The following MUC21 variants were observed in gnomAD, a reference collection of about 807,000 sequenced individuals.
The protein encoded by MUC21 is mucin 21, cell surface associated.
Under a neutral mutation model 9.1 loss-of-function variants are expected in MUC21, and 8 were observed. That is an observed-to-expected ratio of 0.88 (90% CI 0.52 to 1.59). The LOEUF is 1.59. Among genes scored for constraint, MUC21 ranks in the 40% most tolerant of loss-of-function variants. The pLI is 0.00. For synonymous variants in MUC21, 189 were observed against 275.2 expected (o/e 0.69, Z 3.10); for missense variants, 478 against 694.2 (o/e 0.69, Z 3.50).
At position 30,988,496 on chromosome 6, in the gene MUC21, T is replaced by C. The variant is rs534351762; in HGVS notation, c.*302T>C. On this transcript the variant is annotated 3_prime_UTR_variant, in exon 3 of 3. Transcript: ENST00000376296. ...ACTCAGTTATAGGAGAAAACCTCCA[T>C]GCTGGACTCCATCTGGCATTCAAAA... is the stretch of plus-strand genomic sequence containing the variant. 15 of 341,320 alleles carry C rather than the reference T, an allele frequency of 4.4e-5. No homozygotes were observed. The highest frequency in any genetic ancestry group is 7.3e-5 in the Non-Finnish European group (14 of 192,198). The allele number at this position is 341,320 out of a possible 1,614,324, so 21.1% of individuals were successfully genotyped here.
Position 30,987,503 on chromosome 6 carries a change from C to T in MUC21, c.1328C>T (p.Thr443Ile). The change falls in exon 2 of 3, where the codon ACC (threonine) becomes ATC (isoleucine). Residue 443 changes from threonine (T) to isoleucine (I), a missense_variant. Thr to Ile is a moderately conservative substitution (Grantham distance 89). Transcript: ENST00000376296. ...GCCACCAACTCTGGGTCCAGTGTGA[C>T]CTCTGCAGGCTCTGGAACAGCAGCT... is the stretch of plus-strand genomic sequence containing the variant. ...NTATNSGSSVTSAGSGTAALT... is the reference protein window; with the variant it reads ...NTATNSGSSVISAGSGTAALT... 8 of 1,614,282 alleles carry T rather than the reference C, an allele frequency of 5.0e-6. No individual in the cohort carries two copies. Among genetic ancestry groups the T allele is most frequent in the Non-Finnish European group, 6.8e-6 (8 of 1,180,052 alleles).
chr6:30,986,096 C>A, intron 1 of MUC21, 141 bp from the exon 2 acceptor site: 1 of 824,788 alleles, frequency 1.2e-6, no homozygotes, highest in Non-Finnish European at 1.9e-6. Context: ...TCAATTTCTT[C>A]ATCTCAGCTG....
At position 30,988,087 on chromosome 6, in the gene MUC21, G is replaced by A; in HGVS notation, c.1594G>A (p.Gly532Arg). ...LNHGLGPGPGGNHGAPHRPRW... is the reference protein window; with the variant it reads ...LNHGLGPGPGRNHGAPHRPRW... ...CCATGGCCTTGGTCCAGGCCCTGGA[G>A]GGAATCATGGAGCCCCCCACAGGCC... Residue 532 changes from glycine to arginine, a missense_variant, in exon 3 of 3, where the codon GGG becomes AGG. Gly to Arg is a moderately radical substitution (Grantham distance 125). Transcript: ENST00000376296. 6.2e-7 allele frequency: 1 copy of A among 1,610,632 alleles called. No homozygotes were observed. The highest frequency in any genetic ancestry group is 8.5e-7 in the Non-Finnish European group (1 of 1,177,832).
Position 30,988,105 on chromosome 6 carries a change from C to A in MUC21, c.1612C>A (p.His538Asn), listed in dbSNP as rs775973672. 1.1e-5 allele frequency: 17 copies of A among 1,612,684 alleles called. No homozygotes were observed. The highest frequency in any genetic ancestry group is 1.3e-5 in the African/African-American group (1 of 74,916). ...CCCTGGAGGGAATCATGGAGCCCCC[C>A]ACAGGCCCAGGTGGAGTCCTAACTG... ...PGPGGNHGAP[H>N]RPRWSPNWFW... is the part of the protein sequence containing the mutation. The change falls in exon 3 of 3, where the codon CAC becomes AAC. Residue 538 changes from histidine (H) to asparagine (N), a missense_variant. His to Asn is a moderately conservative substitution (Grantham distance 68). Coordinates refer to ENST00000376296, the MANE Select transcript of MUC21 (RefSeq NM_001010909.5).
chr6:30,987,504 C>T lies in MUC21; in HGVS notation c.1329C>T (p.Thr443=), dbSNP rs1762431394. 6.2e-7 allele frequency: 1 copy of T among 1,614,172 alleles called. No homozygotes were observed. The highest frequency in any genetic ancestry group is 1.1e-5 in the South Asian group (1 of 91,094). The change falls in exon 2 of 3, where the codon ACC becomes ACT. Residue 443 remains threonine (T), a synonymous_variant. Coordinates refer to ENST00000376296, the MANE Select transcript of MUC21 (RefSeq NM_001010909.5). ...NTATNSGSSV[T]SAGSGTAALT... ...CCACCAACTCTGGGTCCAGTGTGAC[C>T]TCTGCAGGCTCTGGAACAGCAGCTC...
intron 2 of MUC21, 128 bp downstream of exon 2, chr6:30,987,809 A>C: frequency 6.9e-7 from 1 of 1,455,392 alleles, no homozygotes; most frequent in Non-Finnish European, 9.1e-7. Flanking sequence ...AAAGAGTAAC[A>C]CAGAGACATG....
At position 30,989,316 on chromosome 6, in the gene MUC21, C is replaced by T. The variant is rs1762527507; in HGVS notation, c.*1122C>T. ...TGTTGCATGGTAAGAGTGATACCAT[C>T]TTGAAGTGAAACCACCACAATGGCC... On this transcript the variant is annotated 3_prime_UTR_variant, in exon 3 of 3. Transcript: ENST00000376296. 6.6e-6 allele frequency: 1 copy of T among 152,220 alleles called. No individual in the cohort carries two copies. The highest frequency in any genetic ancestry group is 1.5e-5 in the Non-Finnish European group (1 of 68,048). The allele number at this position is 152,220 out of a possible 1,614,324, so 9.4% of individuals were successfully genotyped here.
Position 30,988,224 on chromosome 6 carries a change from C to T in MUC21, c.*30C>T, listed in dbSNP as rs762436156. The T allele has an allele frequency of 2.5e-6, 4 of 1,590,276 alleles. No homozygotes were observed. The South Asian group carries it at 3.4e-5, about 13-fold the overall frequency. On this transcript the variant is annotated 3_prime_UTR_variant, in exon 3 of 3. Transcript: ENST00000376296. ...CCCCGGAAGCAAGTGCCGCATTCTT[C>T]AGGAAGGAAGAGACCTGGGCACCCA...
chr6:30,986,283 T>C lies in MUC21; in HGVS notation c.108T>C (p.Ser36=), dbSNP rs1466897631. ...ETSTSANTGS[S]VISSGASTAT... is the part of the protein sequence containing the mutation. The stretch of plus-strand genomic sequence containing the variant: ...GCACCTCTGCCAACACTGGATCCAG[T>C]GTGATCTCCAGTGGAGCCAGCACAG... Residue 36 remains serine (S), a synonymous_variant, in exon 2 of 3, where the codon AGT becomes AGC. Coordinates refer to ENST00000376296, the MANE Select transcript of MUC21 (RefSeq NM_001010909.5). 6.2e-7 allele frequency: 1 copy of C among 1,609,666 alleles called. No individual in the cohort carries two copies. The highest frequency in any genetic ancestry group is 8.5e-7 in the Non-Finnish European group (1 of 1,176,970).
In MUC21 at chr6:30,987,073, GCCA is replaced by G. The variant is rs1421838870; in HGVS notation, c.902_904del (p.Thr301del). ...CACACCCTCCAGTGGGGCCAACACA[GCCA>G]CCAACTCTGAGTCCAGTACGACCTC... On this transcript the variant is annotated inframe_deletion, in exon 2 of 3. Coordinates refer to ENST00000376296, the MANE Select transcript of MUC21 (RefSeq NM_001010909.5). 6.3e-7 allele frequency: 1 copy of G among 1,583,136 alleles called. No individual in the cohort carries two copies. Among genetic ancestry groups the G allele is most frequent in the Non-Finnish European group, 8.6e-7 (1 of 1,158,906 alleles).
At chr6:30,986,133 G>A in intron 1 of MUC21, 104 bp from the exon 2 acceptor site, 1 of 976,832 alleles carries the variant, frequency 1.0e-6, no homozygotes, top group Admixed American at 2.7e-5. Context: ...CTATGTTATA[G>A]CACCATAGTG....
chr6:30,988,312 A>G lies in MUC21; in HGVS notation c.*118A>G, dbSNP rs1762478407. On this transcript the variant is annotated 3_prime_UTR_variant, in exon 3 of 3. Coordinates refer to ENST00000376296, the MANE Select transcript of MUC21 (RefSeq NM_001010909.5). ...CCCAGCTTTGTTTGAGATCCTGAAAATCTTGAAGAAGGTATTCCTCACCTT... is the reference window on the plus strand; with the variant it reads ...CCCAGCTTTGTTTGAGATCCTGAAAGTCTTGAAGAAGGTATTCCTCACCTT... 2.2e-6 allele frequency: 2 copies of G among 927,110 alleles called. No homozygotes were observed. Among genetic ancestry groups the G allele is most frequent in the East Asian group, 2.6e-5 (1 of 37,742 alleles). 57.4% of individuals were successfully genotyped at this position (927,110 alleles called of 1,614,324 possible).
At chr6:30,985,294 C>T (rs1314227971) in intron 1 of MUC21, among the ~76,000 whole-genome samples, 1 of 152,172 alleles carries the variant, frequency 6.6e-6, no homozygotes, top group African/African-American at 2.4e-5. Context: ...ACTCGTTCTT[C>T]TCTAGCCTTG....
At position 30,987,605 on chromosome 6, in the gene MUC21, C is replaced by G; in HGVS notation, c.1430C>G (p.Pro477Arg). 3 of 1,614,190 alleles carry G rather than the reference C, an allele frequency of 1.9e-6. No individual in the cohort carries two copies. Among genetic ancestry groups the G allele is most frequent in the South Asian group, 2.2e-5 (2 of 91,076 alleles). Reference protein sequence around the residue: ...SEAKPGGSLVPWEIFLITLVS... With the variant: ...SEAKPGGSLVRWEIFLITLVS... ...GCGAAGCCTGGTGGGTCCCTGGTGC[C>G]GTGGGAAATCTTCCTCATCACCCTG... The change falls in exon 2 of 3, where the codon CCG becomes CGG. Residue 477 changes from proline to arginine, a missense_variant. Physicochemically the swap from Pro to Arg is moderately radical, Grantham distance 103. Coordinates refer to ENST00000376296, the MANE Select transcript of MUC21 (RefSeq NM_001010909.5).
chr6:30,983,831 C>T lies in MUC21; in HGVS notation c.-128C>T, dbSNP rs552221959. The T allele has an allele frequency of 3.3e-6, 2 of 614,888 alleles. No individual in the cohort carries two copies. The highest frequency in any genetic ancestry group is 5.9e-6 in the Non-Finnish European group (2 of 341,742). The allele number at this position is 614,888 out of a possible 1,614,324, so 38.1% of individuals were successfully genotyped here. A position where few individuals can be genotyped will look rare whatever the true frequency, so the allele number is the denominator to read the frequency against. On this transcript the variant is annotated 5_prime_UTR_variant, in exon 1 of 3. Coordinates refer to ENST00000376296, the MANE Select transcript of MUC21 (RefSeq NM_001010909.5). ...AACACAAACGTAGGAGACCCACGCTCCTGGAAGCACCAGCCTTTATCTCTT... is the reference window on the plus strand; with the variant it reads ...AACACAAACGTAGGAGACCCACGCTTCTGGAAGCACCAGCCTTTATCTCTT...
chr6:30,988,333 A>C lies in MUC21; in HGVS notation c.*139A>C. 1 of 733,800 alleles carries C rather than the reference A, an allele frequency of 1.4e-6. No homozygotes were observed. The highest frequency in any genetic ancestry group is 2.2e-6 in the Non-Finnish European group (1 of 460,578). The allele number at this position is 733,800 out of a possible 1,614,324, so 45.5% of individuals were successfully genotyped here. A position where few individuals can be genotyped will look rare whatever the true frequency, so the allele number is the denominator to read the frequency against. On this transcript the variant is annotated 3_prime_UTR_variant, in exon 3 of 3. Coordinates refer to ENST00000376296, the MANE Select transcript of MUC21 (RefSeq NM_001010909.5). The stretch of plus-strand genomic sequence containing the variant: ...GAAAATCTTGAAGAAGGTATTCCTC[A>C]CCTTTCTTGCCTTTACCAGACACTG...
At position 30,986,357 on chromosome 6, in the gene MUC21, C is replaced by T. The variant is rs982686131; in HGVS notation, c.182C>T (p.Thr61Ile). The T allele has an allele frequency of 1.9e-6, 3 of 1,611,976 alleles. No homozygotes were observed. The highest frequency in any genetic ancestry group is 2.5e-6 in the Non-Finnish European group (3 of 1,178,908). The change falls in exon 2 of 3, where the codon ACC (threonine) becomes ATC (isoleucine). Residue 61 changes from threonine (T) to isoleucine (I), a missense_variant. Thr to Ile is a moderately conservative substitution (Grantham distance 89). Around this residue, in one of 5 missense-constraint regions of MUC21, gnomAD observed 110 missense variants for 108.3 expected, o/e 1.02. Coordinates refer to ENST00000376296, the MANE Select transcript of MUC21 (RefSeq NM_001010909.5). The stretch of plus-strand genomic sequence containing the variant: ...ACCTCCAGTGGGGTCAGCACAGCCA[C>T]CATCTCAGGGTCCAGCGTGACCTCC... Reference protein sequence around the residue: ...SVTSSGVSTATISGSSVTSNG... With the variant: ...SVTSSGVSTAIISGSSVTSNG...
intron 1 of MUC21, among the ~76,000 whole-genome samples, chr6:30,985,147 G>A (rs1481834984): frequency 6.6e-6 from 1 of 152,044 alleles, no homozygotes; most frequent in African/African-American, 2.4e-5. Flanking sequence ...TCATCCTTCT[G>A]GGAAATCAAG....
At chr6:30,984,237 T>C (rs1384882483) in intron 1 of MUC21, 2 of 508,808 alleles carry the variant, frequency 3.9e-6, no homozygotes, top group South Asian at 3.2e-5. Context: ...ATTTGAATTA[T>C]GGCTCCATCT....
Sources: allele counts gnomAD v4.1 joint callset (sites outside exome capture counted in the v4.1 genomes callset), GRCh38; gene constraint gnomAD v4.1.1; regional missense constraint gnomAD v4.1.1; transcripts MANE v1.5; gene names NCBI Gene and HGNC (gene_info 2026-07-23, HGNC 2026-07-21).